The following SGCZ variants were observed in gnomAD, a reference collection of about 807,000 sequenced individuals.
SGCZ encodes sarcoglycan zeta, also known as zeta-sarcoglycan.
A neutral mutation model predicts 41.3 loss-of-function variants in SGCZ; 40 were observed. That is an observed-to-expected ratio of 0.97 (90% CI 0.75 to 1.26). SGCZ has a LOEUF of 1.26. SGCZ is among the 50% of genes most tolerant of loss of function. The pLI is 0.00. For missense variants in SGCZ, 552 were observed against 369.8 expected, an observed-to-expected ratio of 1.49 and a Z score of -4.04; for synonymous variants, 206 against 137.5, an observed-to-expected ratio of 1.50 and a Z score of -3.49.
chr8:14,836,019 T>C (rs1219143196), intron 1 of SGCZ, among the ~76,000 whole-genome samples: 1 of 152,136 alleles, frequency 6.6e-6, no homozygotes, highest in Admixed American at 6.6e-5. Flanking sequence ...CTGAAACCAT[T>C]ACTGCCTTCC....
chr8:14,863,588 A>G (rs1410053381), intron 1 of SGCZ, among the ~76,000 whole-genome samples: 1 of 152,118 alleles, frequency 6.6e-6, no homozygotes, highest in East Asian at 1.9e-4. Context: ...AGGCTCTAAC[A>G]CTTTCACTGC....
intron 1 of SGCZ, among the ~76,000 whole-genome samples, chr8:14,844,116 TA>T (rs1371914996): frequency 1.3e-5 from 2 of 152,040 alleles, no homozygotes; most frequent in Non-Finnish European, 2.9e-5. Flanking sequence ...CCTCCATGTA[TA>T]CTGTACCAAA....
chr8:14,785,060 C>A (rs1411459190), intron 1 of SGCZ, among the ~76,000 whole-genome samples: 1 of 147,010 alleles, frequency 6.8e-6, no homozygotes, highest in Non-Finnish European at 1.5e-5. Flanking sequence ...CATTTTAAGC[C>A]AAATGACAAA....
At chr8:15,227,807 G>A (rs1370217561) in intron 1 of SGCZ, among the ~76,000 whole-genome samples, 1 of 152,160 alleles carries the variant, frequency 6.6e-6, no homozygotes, top group African/African-American at 2.4e-5. Flanking sequence ...AAATAAGATG[G>A]ATGGTGCATC....
chr8:14,305,007 T>C (rs1801306621), intron 3 of SGCZ, among the ~76,000 whole-genome samples: 1 of 152,176 alleles, frequency 6.6e-6, no homozygotes. Context: ...AAATCTTTAA[T>C]ATTAATTGAA....
intron 1 of SGCZ, among the ~76,000 whole-genome samples, chr8:14,792,342 C>T (rs17120281): frequency 0.037 from 5,567 of 152,112 alleles, 340 homozygotes; most frequent in African/African-American, 0.13. Flanking sequence ...TTCCACATAT[C>T]GCTCAGGCTG....
chr8:14,506,874 C>T (rs540483037), intron 2 of SGCZ, among the ~76,000 whole-genome samples: 2 of 152,280 alleles, frequency 1.3e-5, no homozygotes, highest in African/African-American at 4.8e-5. Flanking sequence ...CCTCAGTGTC[C>T]TTTGCAGGCT....
intron 1 of SGCZ, among the ~76,000 whole-genome samples, chr8:15,161,724 A>C (rs73529356): frequency 0.043 from 6,510 of 152,310 alleles, 341 homozygotes; most frequent in African/African-American, 0.13. Flanking sequence ...AGTCACATCA[A>C]ACAGTTGGCA....
intron 1 of SGCZ, among the ~76,000 whole-genome samples, chr8:14,989,683 C>T (rs1340350236): frequency 1.3e-5 from 2 of 152,164 alleles, no homozygotes; most frequent in African/African-American, 4.8e-5. Flanking sequence ...ATAACCTAGT[C>T]ACCCTCACTT....
chr8:14,909,353 T>A (rs142280235), intron 1 of SGCZ, among the ~76,000 whole-genome samples: 2 of 152,318 alleles, frequency 1.3e-5, no homozygotes, highest in East Asian at 3.9e-4. Context: ...GTTTACATAT[T>A]TTTCTTGGTG....
intron 2 of SGCZ, among the ~76,000 whole-genome samples, chr8:14,433,632 C>T (rs1021831185): frequency 6.6e-6 from 1 of 151,956 alleles, no homozygotes; most frequent in African/African-American, 2.4e-5. Flanking sequence ...TAACCCTTTT[C>T]CTATTTAGAA....
At chr8:14,364,091 G>A (rs1803618741) in intron 2 of SGCZ, among the ~76,000 whole-genome samples, 1 of 151,784 alleles carries the variant, frequency 6.6e-6, no homozygotes, top group Non-Finnish European at 1.5e-5. Context: ...TTTACTACAT[G>A]GCTGTTCAAA....
intron 2 of SGCZ, among the ~76,000 whole-genome samples, chr8:14,538,114 C>T (rs1803352316): frequency 6.6e-6 from 1 of 151,878 alleles, no homozygotes. Context: ...CTATCTGGTG[C>T]ATATTTCGAA....
At chr8:14,260,636 A>C (rs891000024) in intron 3 of SGCZ, among the ~76,000 whole-genome samples, 7 of 151,476 alleles carry the variant, frequency 4.6e-5, no homozygotes, top group African/African-American at 7.3e-5. Context: ...TGCTATAAAG[A>C]CACATGCACA....
chr8:14,615,052 G>T (rs866879770), intron 1 of SGCZ, among the ~76,000 whole-genome samples: 16 of 152,126 alleles, frequency 1.1e-4, no homozygotes, highest in South Asian at 4.1e-4. Flanking sequence ...AAGATTAAAA[G>T]TGAATTTTGT....
chr8:14,153,808 C>T (rs58889015), intron 5 of SGCZ, among the ~76,000 whole-genome samples: 1,853 of 152,058 alleles, frequency 0.012, 49 homozygotes, highest in African/African-American at 0.043. Context: ...TATTGAGAGA[C>T]AATTAGGTTT....
chr8:14,244,030 G>C (rs186176551), intron 3 of SGCZ, among the ~76,000 whole-genome samples: 2 of 152,232 alleles, frequency 1.3e-5, no homozygotes, highest in East Asian at 3.9e-4. Flanking sequence ...AATGCATGTT[G>C]AATGAATGAA....
intron 1 of SGCZ, among the ~76,000 whole-genome samples, chr8:14,683,208 G>T (rs891934202): frequency 2.6e-5 from 4 of 151,930 alleles, no homozygotes; most frequent in African/African-American, 9.7e-5. Context: ...AAATCTTCAG[G>T]CAATAGACTA....
At chr8:14,819,274 G>C (rs1802000139) in intron 1 of SGCZ, among the ~76,000 whole-genome samples, 1 of 152,150 alleles carries the variant, frequency 6.6e-6, no homozygotes, top group Non-Finnish European at 1.5e-5. Context: ...GGAATGAAGA[G>C]CTGAGAATTC....
Sources: gnomAD v4.1 joint callset for allele counts (sites outside exome capture counted in the v4.1 genomes callset) on GRCh38, gnomAD v4.1.1 for gene constraint, MANE v1.5 for transcripts, NCBI Gene and HGNC (gene_info 2026-07-23, HGNC 2026-07-21) for gene names.